The following TET3 variants were observed in gnomAD, a reference collection of about 807,000 sequenced individuals.
TET3 encodes the protein methylcytosine dioxygenase TET3.
Under a neutral mutation model 141.4 loss-of-function variants are expected in TET3, and 19 were observed. The ratio of observed to expected loss-of-function variants is 0.13; its 90% CI spans 0.09 to 0.20. TET3 has a LOEUF of 0.20. Among genes scored for constraint, TET3 ranks in the 10% least tolerant of loss-of-function variants. The pLI, the probability that TET3 is intolerant of heterozygous loss-of-function variation, is 1.00. For missense variants in TET3, 1,874 were observed against 2,356.9 expected (o/e 0.80, Z 4.24); for synonymous variants, 1,043 against 980.9 (o/e 1.06, Z -1.18).
intron 2 of TET3, among the ~76,000 whole-genome samples, chr2:73,999,199 A>T (rs1684730640): frequency 6.6e-6 from 1 of 152,120 alleles, no homozygotes; most frequent in Non-Finnish European, 1.5e-5. Flanking sequence ...TGGATATGAA[A>T]ATCGTAGAGC....
At chr2:74,074,179 C>G (rs1460854266) in intron 5 of TET3, among the ~76,000 whole-genome samples, 2 of 152,150 alleles carry the variant, frequency 1.3e-5, no homozygotes, top group African/African-American at 4.8e-5. Context: ...TGTTTCATAG[C>G]TTTCTTGATT....
chr2:74,049,894 ATG>A (rs1687851480), intron 4 of TET3, among the ~76,000 whole-genome samples: 1 of 152,008 alleles, frequency 6.6e-6, no homozygotes, highest in Non-Finnish European at 1.5e-5. Flanking sequence ...CTCCTAGATG[ATG>A]GTTCCCACTG....
At chr2:74,113,467 A>T in the TET3 span, among the ~76,000 whole-genome samples, 1 of 152,184 alleles carries the variant, frequency 6.6e-6, no homozygotes, top group Non-Finnish European at 1.5e-5. Context: ...AAGAACTTGA[A>T]ATAAAAGGCA....
Position 73,986,216 on chromosome 2 carries a change from A to T in TET3, c.-188A>T. 1 of 439,638 alleles carries T rather than the reference A, an allele frequency of 2.3e-6. No individual in the cohort carries two copies. The highest frequency in any genetic ancestry group is 3.8e-6 in the Non-Finnish European group (1 of 266,050). 27.2% of individuals were successfully genotyped at this position (439,638 alleles called of 1,614,324 possible). On this transcript the variant is annotated 5_prime_UTR_variant, in exon 2 of 12. The change creates a premature stop within an existing upstream ORF in the 5' untranslated region. Coordinates refer to ENST00000409262, the MANE Select transcript of TET3 (RefSeq NM_001287491.2). ...GAGTGGCCCCCTACGGAGTCCGATCAGACTGCTGCAGAGGAGGTGAAGAGG... is the reference window on the plus strand; with the variant it reads ...GAGTGGCCCCCTACGGAGTCCGATCTGACTGCTGCAGAGGAGGTGAAGAGG...
At chr2:74,029,089 C>T (rs1233503107) in intron 3 of TET3, among the ~76,000 whole-genome samples, 1 of 152,184 alleles carries the variant, frequency 6.6e-6, no homozygotes, top group African/African-American at 2.4e-5. Flanking sequence ...GTTACTACTG[C>T]TTCTCCTCCA....
rs566732203 is a variant in TET3, at chr2:74,019,332, C to A, written c.360+16166C>A. On this transcript the variant is annotated intron_variant, in intron 3 of 11. Coordinates refer to ENST00000409262, the MANE Select transcript of TET3 (RefSeq NM_001287491.2). The stretch of plus-strand genomic sequence containing the variant: ...TTACACATTTCTTGTGAAGTTTCTT[C>A]CTAGATATGCTGTAGCTGCTGTTGT... Among the ~76,000 whole-genome samples, 24 of 152,314 alleles carry A rather than the reference C, an allele frequency of 1.6e-4. No individual in the cohort carries two copies. The South Asian group carries it at 4.8e-3, about 30-fold the overall frequency.
chr2:74,126,877 A>G, the TET3 span, among the ~76,000 whole-genome samples: 3 of 152,234 alleles, frequency 2.0e-5, no homozygotes, highest in African/African-American at 7.2e-5. Flanking sequence ...TTTAGCCAGA[A>G]TAAAATAATT....
At position 74,022,167 on chromosome 2, in the gene TET3, C is replaced by T. The variant is rs529767543; in HGVS notation, c.360+19001C>T. Among the ~76,000 whole-genome samples, 16 of 128,128 alleles carry T rather than the reference C, an allele frequency of 1.2e-4. 1 individual carries two copies. The highest frequency in any genetic ancestry group is 0.011 in the Middle Eastern group (2 of 182). The allele number at this position is 128,128 out of a possible 152,430, so 84.1% of individuals were successfully genotyped here. A position where few individuals can be genotyped will look rare whatever the true frequency, so the allele number is the denominator to read the frequency against. Reference sequence around the variant, plus strand: ...TCCCTCTGGGATTGTCAAAATAATACATGTTTATTGTAAAACTATTTCTTT... The same window carrying T: ...TCCCTCTGGGATTGTCAAAATAATATATGTTTATTGTAAAACTATTTCTTT... On this transcript the variant is annotated intron_variant, in intron 3 of 11. Coordinates refer to ENST00000409262, the MANE Select transcript of TET3 (RefSeq NM_001287491.2).
In TET3 at chr2:74,105,618, A is replaced by AC. The variant is rs1691449181; in HGVS notation, c.*3446dup. The AC allele has an allele frequency of 2.6e-6, 1 of 380,308 alleles. No homozygotes were observed. Among genetic ancestry groups the AC allele is most frequent in the Non-Finnish European group, 4.7e-6 (1 of 214,430 alleles). The allele number at this position is 380,308 out of a possible 1,614,324, so 23.6% of individuals were successfully genotyped here. A position where few individuals can be genotyped will look rare whatever the true frequency, so the allele number is the denominator to read the frequency against. ...GATGGTGTGCGTGGAAAGAGATGAT[A>AC]CCCCACCGCCCCCTCTTGGTCCTTC... On this transcript the variant is annotated 3_prime_UTR_variant, in exon 12 of 12. Coordinates refer to ENST00000409262, the MANE Select transcript of TET3 (RefSeq NM_001287491.2).
At chr2:73,995,246 C>T (rs1320084108) in intron 2 of TET3, among the ~76,000 whole-genome samples, 1 of 152,242 alleles carries the variant, frequency 6.6e-6, no homozygotes, top group Non-Finnish European at 1.5e-5. Context: ...AGGCGTGAGC[C>T]ACTGTGCCTG....
At chr2:74,130,752 C>T in the TET3 span, 8 of 152,322 alleles carry the variant, frequency 5.3e-5, no homozygotes, top group African/African-American at 1.9e-4. Flanking sequence ...ACTCGTCGGG[C>T]TGCTTTCTGA....
chr2:74,117,921 T>C, the TET3 span, among the ~76,000 whole-genome samples: 1 of 152,110 alleles, frequency 6.6e-6, no homozygotes, highest in Non-Finnish European at 1.5e-5. Flanking sequence ...AATTTTTGTA[T>C]TTTTAGTAGT....
chr2:74,110,058 A>C (rs1358112382), downstream of TET3, among the ~76,000 whole-genome samples: 2 of 152,246 alleles, frequency 1.3e-5, no homozygotes, highest in Non-Finnish European at 2.9e-5. Context: ...AGTGCCAGGC[A>C]TTCGGGACAT....
chr2:74,112,488 C>T (rs1412738783), downstream of TET3, among the ~76,000 whole-genome samples: 4 of 143,114 alleles, frequency 2.8e-5, no homozygotes, highest in Admixed American at 7.3e-5. Context: ...CAAAATTATA[C>T]TCAAGGAAGT....
Position 74,088,016 on chromosome 2 carries a change from C to A in TET3, c.2866C>A (p.Arg956=). Residue 956 remains arginine, a synonymous_variant, in exon 7 of 12, where the codon CGG becomes AGG. Coordinates refer to ENST00000409262, the MANE Select transcript of TET3 (RefSeq NM_001287491.2). The part of the protein sequence containing the change: ...TLRKYGNPTS[R]RCGLNDDRTC... Reference sequence around the variant, plus strand: ...CCGGAAGTATGGGAACCCCACCAGCCGGAGATGCGGCCTCAACGATGAGTA... The same window carrying A: ...CCGGAAGTATGGGAACCCCACCAGCAGGAGATGCGGCCTCAACGATGAGTA... The A allele has an allele frequency of 6.4e-7, 1 of 1,561,770 alleles. No homozygotes were observed.
intron 6 of TET3, among the ~76,000 whole-genome samples, chr2:74,081,420 T>C (rs974687462): frequency 6.6e-6 from 1 of 152,198 alleles, no homozygotes; most frequent in Non-Finnish European, 1.5e-5. Context: ...TCTAGAGACA[T>C]ATGAAATAAA....
the TET3 span, among the ~76,000 whole-genome samples, chr2:74,123,785 C>A: frequency 7.2e-5 from 11 of 152,064 alleles, no homozygotes; most frequent in Admixed American, 6.5e-4. Context: ...AGCGCCTCTT[C>A]CCGGCCGCCA....
Position 74,065,796 on chromosome 2 carries a change from G to T in TET3, c.2495-7753G>T, listed in dbSNP as rs1317955873. On this transcript the variant is annotated intron_variant, in intron 4 of 11. Coordinates refer to ENST00000409262, the MANE Select transcript of TET3 (RefSeq NM_001287491.2). ...CTTTTTTTAGACAGAGCGAGGCTCT[G>T]TCTCAAGGCTGGAGTGCAGTGGTGC... Among the ~76,000 whole-genome samples, 3 of 147,248 alleles carry T rather than the reference G, an allele frequency of 2.0e-5. No individual in the cohort carries two copies. The East Asian group carries it at 6.0e-4, about 29-fold the overall frequency.
intron 3 of TET3, among the ~76,000 whole-genome samples, chr2:74,019,014 A>T (rs1685885650): frequency 6.6e-6 from 1 of 152,152 alleles, no homozygotes. Context: ...TGGGAGGCTG[A>T]GGCGGGAAGA....
Sources: allele counts gnomAD v4.1 joint callset (sites outside exome capture counted in the v4.1 genomes callset), GRCh38; gene constraint gnomAD v4.1.1; transcripts MANE v1.5; gene names NCBI Gene and HGNC (gene_info 2026-07-23, HGNC 2026-07-21).